Variants in PDZD2 observed in about 807,000 individuals in gnomAD.
PDZD2 encodes the protein PDZ domain-containing protein 2.
A neutral mutation model predicts 220.7 loss-of-function variants in PDZD2; 90 were observed. That is an observed-to-expected ratio of 0.41 (90% CI 0.34 to 0.49). The LOEUF is 0.49. Among genes scored for constraint, PDZD2 ranks in the 20% least tolerant of loss-of-function variants. PDZD2 has a pLI of 0.28. For synonymous variants in PDZD2, 1,375 were observed against 1,450.5 expected (o/e 0.95, Z 1.18); for missense variants, 3,174 against 3,608.5 (o/e 0.88, Z 3.08).
At chr5:31,807,751 G>A (rs1330755317) in intron 2 of PDZD2, among the ~76,000 whole-genome samples, 2 of 152,138 alleles carry the variant, frequency 1.3e-5, no homozygotes, top group Non-Finnish European at 1.5e-5. Context: ...TTCCGGGAGT[G>A]TGAGAAGTCT....
chr5:31,866,810 A>G (rs1310569914), intron 2 of PDZD2, among the ~76,000 whole-genome samples: 1 of 152,226 alleles, frequency 6.6e-6, no homozygotes, highest in Non-Finnish European at 1.5e-5. Context: ...TCATTCGTGC[A>G]GTAAGCAATT....
chr5:32,043,104 G>A (rs543880287), intron 7 of PDZD2, among the ~76,000 whole-genome samples: 2 of 152,314 alleles, frequency 1.3e-5, no homozygotes, highest in Admixed American at 1.3e-4. Context: ...ATCTTGAAAA[G>A]AATTCTGTTC....
At chr5:31,654,455 G>C (rs985841658) in intron 1 of PDZD2, among the ~76,000 whole-genome samples, 1 of 151,978 alleles carries the variant, frequency 6.6e-6, no homozygotes, top group Non-Finnish European at 1.5e-5. Flanking sequence ...TCCTGTCTGC[G>C]ATGTCTGTCA....
intron 2 of PDZD2, among the ~76,000 whole-genome samples, chr5:31,867,230 C>A (rs1052553346): frequency 6.6e-6 from 1 of 152,158 alleles, no homozygotes; most frequent in Non-Finnish European, 1.5e-5. Flanking sequence ...ATAAAAAAAC[C>A]TAATGGGATG....
At chr5:31,995,349 T>C (rs1751542786) in intron 3 of PDZD2, among the ~76,000 whole-genome samples, 1 of 152,224 alleles carries the variant, frequency 6.6e-6, no homozygotes, top group Admixed American at 6.5e-5. Context: ...GGCTCCGTCT[T>C]GGATGGCTCA....
intron 2 of PDZD2, among the ~76,000 whole-genome samples, chr5:31,886,694 C>G (rs1297518745): frequency 1.5e-5 from 2 of 130,154 alleles, no homozygotes; most frequent in African/African-American, 7.2e-5. Context: ...CTGCACTTGT[C>G]TCTGTCTCTT....
chr5:31,691,169 G>A (rs1747101580), intron 1 of PDZD2, among the ~76,000 whole-genome samples: 1 of 152,148 alleles, frequency 6.6e-6, no homozygotes, highest in East Asian at 1.9e-4. Context: ...CTTCTGGTGG[G>A]TTCGTGGTGT....
intron 2 of PDZD2, among the ~76,000 whole-genome samples, chr5:31,939,359 C>T: frequency 6.6e-6 from 1 of 152,206 alleles, no homozygotes; most frequent in East Asian, 1.9e-4. Context: ...TGGAAACCAA[C>T]CAGACTGAGG....
chr5:31,834,900 G>T (rs980625583), intron 2 of PDZD2, among the ~76,000 whole-genome samples: 2 of 146,812 alleles, frequency 1.4e-5, no homozygotes, highest in Non-Finnish European at 3.0e-5. Flanking sequence ...ATATATATTT[G>T]TATATATATA....
At chr5:31,653,009 C>T (rs1745409842) in intron 1 of PDZD2, among the ~76,000 whole-genome samples, 1 of 151,784 alleles carries the variant, frequency 6.6e-6, no homozygotes, top group Admixed American at 6.6e-5. Context: ...GAGACTTCAT[C>T]TCAAAAAAAA....
chr5:32,063,536 A>C (rs928265276), intron 14 of PDZD2, among the ~76,000 whole-genome samples: 19 of 152,178 alleles, frequency 1.2e-4, no homozygotes, highest in Non-Finnish European at 2.4e-4. Context: ...GCAGGCAGGC[A>C]GGCTGCCAGG....
At chr5:31,985,597 G>T (rs546146910) in intron 3 of PDZD2, among the ~76,000 whole-genome samples, 56 of 152,230 alleles carry the variant, frequency 3.7e-4, no homozygotes, top group Middle Eastern at 3.4e-3. Flanking sequence ...GGAGGCTGAG[G>T]CACAAGAATC....
At chr5:32,003,681 T>C (rs996897619) in intron 5 of PDZD2, among the ~76,000 whole-genome samples, 1 of 152,132 alleles carries the variant, frequency 6.6e-6, no homozygotes, top group Non-Finnish European at 1.5e-5. Context: ...GACTTCCTTC[T>C]CTTGTTAGTT....
intron 2 of PDZD2, among the ~76,000 whole-genome samples, chr5:31,911,472 C>T (rs964422371): frequency 6.6e-6 from 1 of 152,204 alleles, no homozygotes; most frequent in Non-Finnish European, 1.5e-5. Flanking sequence ...GTTCAGAAGC[C>T]CCTGACTTGG....
In PDZD2 at chr5:32,071,398, A is replaced by G. The variant is rs1397635475; in HGVS notation, c.2548A>G (p.Ser850Gly). ...SSPGLGTPLK[S>G]PSLAKKDSLI... is the part of the protein sequence containing the mutation. ...CCCTCCAACAGGTACCCCCTTGAAG[A>G]GTCCCTCTCTTGCAAAAAAGGTGAG... The change falls in exon 16 of 25, where the codon AGT becomes GGT. Residue 850 changes from serine (S) to glycine (G), a missense_variant. By Grantham distance (56) the Ser-to-Gly change is moderately conservative. Around this residue, in one of 4 missense-constraint regions of PDZD2, gnomAD observed 1,861 missense variants for 2,001.0 expected, o/e 0.93. Coordinates refer to ENST00000438447, the MANE Select transcript of PDZD2 (RefSeq NM_178140.4). 5.6e-6 allele frequency: 9 copies of G among 1,610,156 alleles called. No individual in the cohort carries two copies. Among genetic ancestry groups the G allele is most frequent in the Non-Finnish European group, 7.7e-6 (9 of 1,176,374 alleles).
At chr5:32,045,114 G>A (rs936110266) in intron 7 of PDZD2, among the ~76,000 whole-genome samples, 5 of 152,246 alleles carry the variant, frequency 3.3e-5, no homozygotes, top group African/African-American at 9.6e-5. Flanking sequence ...CAGCTCAAAA[G>A]GAATTTTCTA....
chr5:31,643,827 AT>A lies in PDZD2; in HGVS notation c.-361+4404del, dbSNP rs34330342. On this transcript the variant is annotated intron_variant, in intron 1 of 24. Coordinates refer to ENST00000438447, the MANE Select transcript of PDZD2 (RefSeq NM_178140.4). ...AATGAAATTGGGGAAAATGTGAATAATTTTTTTTTTTTTTGAGACAGGGTCT... is the reference window on the plus strand; with the variant it reads ...AATGAAATTGGGGAAAATGTGAATAATTTTTTTTTTTTTGAGACAGGGTCT... 2.8e-3 allele frequency among the ~76,000 whole-genome samples: 405 copies of A among 145,772 alleles called. 1 individual carries two copies. Among genetic ancestry groups the A allele is most frequent in the Middle Eastern group, 7.3e-3 (2 of 274 alleles).
intron 2 of PDZD2, among the ~76,000 whole-genome samples, chr5:31,850,154 GTGTATATATGTATATATAAGTA>G (rs1757940137): frequency 8.2e-6 from 1 of 121,570 alleles, no homozygotes; most frequent in Non-Finnish European, 1.7e-5. Context: ...AAGTATATAT[GTGTATATATGTATATATAAGTA>G]TATATATAAG....
intron 2 of PDZD2, among the ~76,000 whole-genome samples, chr5:31,941,281 A>G (rs541523300): frequency 9.5e-4 from 144 of 152,340 alleles, no homozygotes; most frequent in Middle Eastern, 3.4e-3. Context: ...CACCTTCGCC[A>G]TGAGTTTGCA....
Sources: gnomAD v4.1 joint callset for allele counts (sites outside exome capture counted in the v4.1 genomes callset) on GRCh38, gnomAD v4.1.1 for gene constraint, gnomAD v4.1.1 regional missense constraint, MANE v1.5 for transcripts, NCBI Gene and HGNC (gene_info 2026-07-23, HGNC 2026-07-21) for gene names.